BEND3: variants seen among roughly 807,000 people sequenced by gnomAD.
The protein encoded by BEND3 is BEN domain containing 3.
In BEND3, 13 loss-of-function variants were observed where a neutral mutation model predicts 60.1. That is an observed-to-expected ratio of 0.22 (90% CI 0.14 to 0.34). The LOEUF is 0.34. Ranked by LOEUF, BEND3 falls within the 10% of genes least tolerant of loss-of-function variation. The pLI, the probability that BEND3 is intolerant of heterozygous loss-of-function variation, is 1.00. For missense variants in BEND3, 896 were observed against 1,138.1 expected (o/e 0.79, Z 3.06); for synonymous variants, 497 against 491.5 (o/e 1.01, Z -0.15).
At chr6:107,078,099 G>A (rs569419179) in intron 3 of BEND3, among the ~76,000 whole-genome samples, 1 of 152,310 alleles carries the variant, frequency 6.6e-6, no homozygotes, top group South Asian at 2.1e-4. Flanking sequence ...CAACAGAGGT[G>A]CCAAATAAGT....
intron 3 of BEND3, among the ~76,000 whole-genome samples, chr6:107,090,340 C>T (rs1320183497): frequency 6.6e-6 from 1 of 152,084 alleles, no homozygotes; most frequent in Non-Finnish European, 1.5e-5. Context: ...CAGAGCAAGA[C>T]TCTGTCTCAA....
intron 3 of BEND3, among the ~76,000 whole-genome samples, chr6:107,072,535 C>T (rs1012139906): frequency 6.6e-6 from 1 of 152,086 alleles, no homozygotes. Flanking sequence ...CCTCAGCCAA[C>T]GTAGGGAAAA....
chr6:107,089,329 T>C (rs1775422663), intron 3 of BEND3, among the ~76,000 whole-genome samples: 1 of 152,016 alleles, frequency 6.6e-6, no homozygotes, highest in Non-Finnish European at 1.5e-5. Flanking sequence ...ACACCTGTAA[T>C]CCCAGCACTT....
chr6:107,108,196 C>A (rs559717793), intron 1 of BEND3, among the ~76,000 whole-genome samples: 1 of 152,320 alleles, frequency 6.6e-6, no homozygotes, highest in South Asian at 2.1e-4. Context: ...CCTCATCTTC[C>A]GCATGCAGCC....
At chr6:107,110,754 G>A (rs780787627) in intron 1 of BEND3, among the ~76,000 whole-genome samples, 3 of 151,874 alleles carry the variant, frequency 2.0e-5, no homozygotes, top group South Asian at 2.1e-4. Context: ...GAGGTTTCGC[G>A]ATGTTGGCCA....
intron 1 of BEND3, among the ~76,000 whole-genome samples, chr6:107,102,605 G>A (rs1321893053): frequency 6.6e-6 from 1 of 152,230 alleles, no homozygotes; most frequent in Non-Finnish European, 1.5e-5. Flanking sequence ...AGTGACAGAT[G>A]CTAGGTTAGC....
At chr6:107,093,203 G>A (rs1009790781) in intron 3 of BEND3, among the ~76,000 whole-genome samples, 2 of 152,220 alleles carry the variant, frequency 1.3e-5, no homozygotes, top group Non-Finnish European at 2.9e-5. Context: ...ACAGTTGCCT[G>A]TAATCCCAGC....
chr6:107,098,557 G>A lies in BEND3; in HGVS notation c.234C>T (p.Ile78=). ...SVPGVKRRRL[I]PEALLAGMRN... is the part of the protein sequence containing the mutation. ...ACAGCAGCTAGGCCCTCACCTCGGG[G>A]ATCAGCCGCCTCCTCTTCACGCCGG... Residue 78 remains isoleucine (I), a synonymous_variant, in exon 3 of 4, where the codon ATC becomes ATT. Coordinates refer to ENST00000369042, the MANE Select transcript of BEND3 (RefSeq NM_001367314.1). 1 of 1,612,394 alleles carries A rather than the reference G, an allele frequency of 6.2e-7. No individual in the cohort carries two copies. Among genetic ancestry groups the A allele is most frequent in the South Asian group, 1.1e-5 (1 of 91,036 alleles).
At chr6:107,080,618 A>G (rs1775212821) in intron 3 of BEND3, among the ~76,000 whole-genome samples, 1 of 151,092 alleles carries the variant, frequency 6.6e-6, no homozygotes, top group African/African-American at 2.4e-5. Flanking sequence ...ACAGTGGCTC[A>G]AGGATGTAAT....
intron 3 of BEND3, among the ~76,000 whole-genome samples, chr6:107,088,956 G>A (rs1376919468): frequency 6.6e-6 from 1 of 152,048 alleles, no homozygotes; most frequent in Non-Finnish European, 1.5e-5. Context: ...GACCAGCCTG[G>A]TCAACATGGC....
intron 1 of BEND3, among the ~76,000 whole-genome samples, chr6:107,108,676 C>T (rs1319605012): frequency 3.3e-5 from 5 of 152,106 alleles, no homozygotes; most frequent in Non-Finnish European, 5.9e-5. Flanking sequence ...CAAGAAAAGG[C>T]CAGTAAATGA....
chr6:107,072,667 C>A (rs547405195), intron 3 of BEND3, among the ~76,000 whole-genome samples: 4 of 152,100 alleles, frequency 2.6e-5, no homozygotes, highest in African/African-American at 2.4e-5. Flanking sequence ...TCATTCTGAA[C>A]CTTCCATGTG....
chr6:107,073,201 G>GTGTATA (rs1775021830), intron 3 of BEND3, among the ~76,000 whole-genome samples: 1 of 22,648 alleles, frequency 4.4e-5, no homozygotes, highest in African/African-American at 1.5e-4. Context: ...GTATGTGTAT[G>GTGTATA]TATATATATA....
At chr6:107,105,146 G>A (rs1775785901) in intron 1 of BEND3, among the ~76,000 whole-genome samples, 1 of 152,062 alleles carries the variant, frequency 6.6e-6, no homozygotes, top group Admixed American at 6.6e-5. Flanking sequence ...GCCAAGCCAG[G>A]TGGATCACGA....
intron 1 of BEND3, among the ~76,000 whole-genome samples, chr6:107,112,387 AAT>A (rs1449047868): frequency 6.6e-6 from 1 of 152,148 alleles, no homozygotes; most frequent in Non-Finnish European, 1.5e-5. Context: ...ATGTAAAGAA[AAT>A]GTGTCAATAT....
At position 107,069,431 on chromosome 6, in the gene BEND3, G is replaced by A. The variant is rs1562297154; in HGVS notation, c.1760C>T (p.Thr587Met). ...GTACTGCTTGCGCAGGTTCTCGTGC[G>A]TGAAGAGCTCGGGGAACAGGTGCAC... The part of the protein sequence containing the change: ...LLVHLFPELF[T>M]HENLRKQYNC... The change falls in exon 4 of 4, where the codon ACG (threonine) becomes ATG (methionine). Residue 587 changes from threonine to methionine, a missense_variant. Physicochemically the swap from Thr to Met is moderately conservative, Grantham distance 81. Transcript: ENST00000369042. 8 of 1,612,520 alleles carry A rather than the reference G, an allele frequency of 5.0e-6. No homozygotes were observed. Among genetic ancestry groups the A allele is most frequent in the Non-Finnish European group, 6.8e-6 (8 of 1,180,032 alleles).
intron 1 of BEND3, among the ~76,000 whole-genome samples, chr6:107,108,395 G>A (rs1554237842): frequency 6.6e-6 from 1 of 152,196 alleles, no homozygotes; most frequent in Admixed American, 6.5e-5. Context: ...ATTAACCTTG[G>A]CATGCAGAAG....
At chr6:107,105,285 C>T (rs1172944953) in intron 1 of BEND3, among the ~76,000 whole-genome samples, 1 of 151,052 alleles carries the variant, frequency 6.6e-6, no homozygotes, top group Non-Finnish European at 1.5e-5. Context: ...GCAGGAGAAT[C>T]GCTTGAACCT....
intron 1 of BEND3, among the ~76,000 whole-genome samples, chr6:107,107,581 G>A (rs555278604): frequency 6.6e-6 from 1 of 152,196 alleles, no homozygotes; most frequent in Admixed American, 6.5e-5. Flanking sequence ...TCCTGCCTCA[G>A]CCTCCCAAGC....
Sources: gnomAD v4.1 joint callset for allele counts (sites outside exome capture counted in the v4.1 genomes callset) on GRCh38, gnomAD v4.1.1 for gene constraint, MANE v1.5 for transcripts, NCBI Gene and HGNC (gene_info 2026-07-23, HGNC 2026-07-21) for gene names.